The following PHTF2 variants were observed in gnomAD, a reference collection of about 807,000 sequenced individuals.
PHTF2 encodes putative homeodomain transcription factor 2.
In PHTF2, 60 loss-of-function variants were observed where a neutral mutation model predicts 101.2. That is an observed-to-expected ratio of 0.59 (90% CI 0.48 to 0.73). The LOEUF (loss-of-function observed/expected upper bound fraction) is 0.73. Ranked by LOEUF, PHTF2 falls within the 30% of genes least tolerant of loss-of-function variation. The pLI, the probability that PHTF2 is intolerant of heterozygous loss-of-function variation, is 0.00. For missense variants in PHTF2, 747 were observed against 908.7 expected, an observed-to-expected ratio of 0.82 and a Z score of 2.29; for synonymous variants, 311 against 307.3, an observed-to-expected ratio of 1.01 and a Z score of -0.13.
intron 9 of PHTF2, among the ~76,000 whole-genome samples, chr7:77,915,673 C>A (rs909548411): frequency 4.6e-5 from 7 of 152,034 alleles, no homozygotes; most frequent in Admixed American, 4.6e-4. Flanking sequence ...ACAGCAGAGC[C>A]GGGAGGCCAC....
intron 1 of PHTF2, among the ~76,000 whole-genome samples, chr7:77,817,970 C>T (rs1793983471): frequency 6.6e-6 from 1 of 151,832 alleles, no homozygotes; most frequent in South Asian, 2.1e-4. Flanking sequence ...ATTAGCCGGG[C>T]ATGGTGGCGG....
At chr7:77,866,059 C>G (rs1239004076) in intron 3 of PHTF2, among the ~76,000 whole-genome samples, 2 of 151,728 alleles carry the variant, frequency 1.3e-5, no homozygotes, top group Non-Finnish European at 2.9e-5. Flanking sequence ...TGGTGCACAC[C>G]TGTAGTCCCA....
chr7:77,827,447 C>T (rs1213600813), intron 1 of PHTF2, among the ~76,000 whole-genome samples: 2 of 152,108 alleles, frequency 1.3e-5, no homozygotes, highest in African/African-American at 2.4e-5. Context: ...CTCTGCCTCC[C>T]GGGTTCAGGC....
At chr7:77,947,586 A>T (rs889283874) in intron 16 of PHTF2, among the ~76,000 whole-genome samples, 1 of 151,998 alleles carries the variant, frequency 6.6e-6, no homozygotes, top group African/African-American at 2.4e-5. Flanking sequence ...AAAAGAAGGT[A>T]TACAATGTTA....
exon 10 of PHTF2, chr7:77,920,458 C>T: frequency 3.1e-6 from 5 of 1,611,222 alleles, no homozygotes; most frequent in Non-Finnish European, 4.2e-6. Flanking sequence ...AGGAATGGTC[C>T]TAGCAAAGTA....
At chr7:77,923,571 T>C in intron 11 of PHTF2, 4 of 985,452 alleles carry the variant, frequency 4.1e-6, no homozygotes, top group Non-Finnish European at 4.8e-6. Context: ...TTAATCTTTC[T>C]GGTGATTGTG....
At chr7:77,900,364 G>C (rs1584644632) in intron 5 of PHTF2, among the ~76,000 whole-genome samples, 1 of 152,102 alleles carries the variant, frequency 6.6e-6, no homozygotes, top group East Asian at 1.9e-4. Context: ...CCCCTAGCTA[G>C]CCTCAACGCT....
At chr7:77,932,411 G>A (rs2150950860) in intron 12 of PHTF2, among the ~76,000 whole-genome samples, 1 of 152,184 alleles carries the variant, frequency 6.6e-6, no homozygotes, top group East Asian at 1.9e-4. Context: ...CAAGCAAGAT[G>A]GTAAGAGAGT....
At chr7:77,845,974 A>G (rs1007990649) in intron 2 of PHTF2, among the ~76,000 whole-genome samples, 22 of 151,770 alleles carry the variant, frequency 1.4e-4, no homozygotes, top group African/African-American at 5.1e-4. Flanking sequence ...TTTTTTTCCT[A>G]TTGCTTTTCT....
intron 3 of PHTF2, among the ~76,000 whole-genome samples, chr7:77,859,561 CTTCT>C (rs1203763612): frequency 4.5e-5 from 6 of 134,548 alleles, no homozygotes; most frequent in African/African-American, 1.5e-4. Context: ...TTCTTTCTTT[CTTCT>C]TTTTTTTTTT....
chr7:77,923,906 A>G (rs1803715405), intron 11 of PHTF2: 2 of 970,116 alleles, frequency 2.1e-6, no homozygotes, highest in Non-Finnish European at 2.5e-6. Flanking sequence ...TCTACCTATT[A>G]ACTTTTAAAT....
intron 3 of PHTF2, among the ~76,000 whole-genome samples, chr7:77,875,130 A>G (rs865902872): frequency 1.1e-4 from 16 of 151,526 alleles, no homozygotes; most frequent in African/African-American, 3.6e-4. Context: ...GTTTTTTTCT[A>G]TTTCTGTGTA....
At chr7:77,806,007 T>A (rs192955114) in intron 1 of PHTF2, among the ~76,000 whole-genome samples, 127 of 152,308 alleles carry the variant, frequency 8.3e-4, no homozygotes, top group Middle Eastern at 3.4e-3. Flanking sequence ...AAACCTCGTC[T>A]CTACTAAAAA....
chr7:77,890,995 C>T (rs1800351422), intron 3 of PHTF2, among the ~76,000 whole-genome samples: 1 of 147,076 alleles, frequency 6.8e-6, no homozygotes, highest in Non-Finnish European at 1.5e-5. Flanking sequence ...GCAACCTTGA[C>T]CTCCTGGGCT....
At chr7:77,938,544 C>A (rs1157406406) in intron 13 of PHTF2, among the ~76,000 whole-genome samples, 1 of 152,066 alleles carries the variant, frequency 6.6e-6, no homozygotes, top group Non-Finnish European at 1.5e-5. Context: ...TCCTGGCTAA[C>A]ATGGTGAAAC....
chr7:77,900,576 C>G (rs1801300193), intron 5 of PHTF2, 135 bp from the exon 5 acceptor site: 5 of 646,604 alleles, frequency 7.7e-6, no homozygotes, highest in Non-Finnish European at 1.4e-5. Flanking sequence ...CTGTTTGTAA[C>G]AAATGCATAA....
chr7:77,860,243 C>A (rs1797522834), intron 3 of PHTF2, among the ~76,000 whole-genome samples: 1 of 152,132 alleles, frequency 6.6e-6, no homozygotes, highest in Admixed American at 6.5e-5. Context: ...AAAATTGGAG[C>A]AGTTGAGTCG....
intron 7 of PHTF2, among the ~76,000 whole-genome samples, chr7:77,907,282 C>G (rs139385727): frequency 6.6e-4 from 100 of 152,032 alleles, no homozygotes; most frequent in African/African-American, 2.3e-3. Context: ...TTATTACTTA[C>G]AGTTACATAC....
intron 1 of PHTF2, among the ~76,000 whole-genome samples, chr7:77,823,997 G>C (rs1794510058): frequency 6.6e-6 from 1 of 152,156 alleles, no homozygotes; most frequent in Non-Finnish European, 1.5e-5. Flanking sequence ...GTGTAGTCCT[G>C]GTATTAGATA....
Sources: allele counts gnomAD v4.1 joint callset (sites outside exome capture counted in the v4.1 genomes callset), GRCh38; gene constraint gnomAD v4.1.1; transcripts MANE v1.5; gene names NCBI Gene and HGNC (gene_info 2026-07-23, HGNC 2026-07-21).